The following TRPC4 variants were observed in gnomAD, a reference collection of about 807,000 sequenced individuals.
TRPC4 encodes short transient receptor potential channel 4.
Under a neutral mutation model 99.4 loss-of-function variants are expected in TRPC4, and 49 were observed. The observed-to-expected ratio is 0.49, with a 90% confidence interval of 0.39 to 0.63. TRPC4 has a LOEUF of 0.63. Ranked by LOEUF, TRPC4 falls within the 20% of genes least tolerant of loss-of-function variation. TRPC4 has a pLI of 0.00. For missense variants in TRPC4, 898 were observed against 1,152.9 expected (o/e 0.78, Z 3.20); for synonymous variants, 454 against 425.9 (o/e 1.07, Z -0.81).
intron 3 of TRPC4, among the ~76,000 whole-genome samples, chr13:37,698,617 A>G (rs1953999182): frequency 6.6e-6 from 1 of 152,188 alleles, no homozygotes. Context: ...GGAATTGCAT[A>G]GAAGTCACAC....
intron 3 of TRPC4, among the ~76,000 whole-genome samples, chr13:37,702,477 C>A (rs1322346735): frequency 6.6e-6 from 1 of 151,978 alleles, no homozygotes; most frequent in Non-Finnish European, 1.5e-5. Context: ...ATTTTAAAAA[C>A]CAGATAACTT....
intron 4 of TRPC4, among the ~76,000 whole-genome samples, chr13:37,678,895 T>A (rs1184602944): frequency 6.6e-6 from 1 of 152,056 alleles, no homozygotes; most frequent in African/African-American, 2.4e-5. Flanking sequence ...CCAAGTAATG[T>A]TTTTCCAGGT....
At chr13:37,822,737 G>A (rs1958053355) in intron 1 of TRPC4, among the ~76,000 whole-genome samples, 1 of 151,904 alleles carries the variant, frequency 6.6e-6, no homozygotes, top group Non-Finnish European at 1.5e-5. Context: ...ACATACGTGT[G>A]CATGTGTCTT....
chr13:37,768,668 A>G (rs1478975848), intron 2 of TRPC4, among the ~76,000 whole-genome samples: 51 of 112,352 alleles, frequency 4.5e-4, no homozygotes, highest in African/African-American at 2.3e-3. Flanking sequence ...ATACGAACAC[A>G]CACGCACACA....
rs1411230947 is a variant in TRPC4 at position 37,655,237 on chromosome 13, T to C, written c.1735A>G (p.Ile579Val). Reference protein sequence around the residue: ...QSLFWSIFGLINLYVTNVKAQ... With the variant: ...QSLFWSIFGLVNLYVTNVKAQ... Reference sequence around the variant, plus strand: ...TTGACATTGGTCACATATAAATTGATGAGCCCAAATATTGACCAAAACAGG... The same window carrying C: ...TTGACATTGGTCACATATAAATTGACGAGCCCAAATATTGACCAAAACAGG... The change falls in exon 7 of 11, where the codon ATC becomes GTC. Residue 579 changes from isoleucine to valine, a missense_variant. Around this residue, in one of 3 missense-constraint regions of TRPC4, gnomAD observed 274 missense variants for 454.9 expected, o/e 0.60. Coordinates refer to ENST00000379705, the MANE Select transcript of TRPC4 (RefSeq NM_016179.4). The C allele has an allele frequency of 6.2e-7, 1 of 1,607,358 alleles. No homozygotes were observed.
chr13:37,762,737 G>A (rs1272498130), intron 2 of TRPC4, among the ~76,000 whole-genome samples: 1 of 110,742 alleles, frequency 9.0e-6, no homozygotes, highest in Non-Finnish European at 1.8e-5. Context: ...GGAGGGGGGA[G>A]GGATAGCATT....
At chr13:37,690,541 C>T (rs1009443691) in intron 4 of TRPC4, among the ~76,000 whole-genome samples, 7 of 152,274 alleles carry the variant, frequency 4.6e-5, no homozygotes, top group Admixed American at 6.5e-5. Context: ...GCGATCCGCC[C>T]GCTTTGGCTT....
chr13:37,731,817 C>T (rs974610352), intron 3 of TRPC4, among the ~76,000 whole-genome samples: 2 of 151,900 alleles, frequency 1.3e-5, no homozygotes, highest in African/African-American at 4.8e-5. Flanking sequence ...CGAAGTAGTA[C>T]GTCCCTTTCC....
intron 2 of TRPC4, among the ~76,000 whole-genome samples, chr13:37,756,456 GT>G (rs1956098644): frequency 6.6e-6 from 1 of 151,984 alleles, no homozygotes; most frequent in Non-Finnish European, 1.5e-5. Context: ...ATGAAGACTG[GT>G]GGATAAGAGA....
intron 2 of TRPC4, among the ~76,000 whole-genome samples, chr13:37,779,063 T>C (rs1956774812): frequency 6.6e-6 from 1 of 151,994 alleles, no homozygotes; most frequent in African/African-American, 2.4e-5. Context: ...AACAAGCCTT[T>C]CCAGTGACGA....
chr13:37,771,956 G>A (rs189062846), intron 2 of TRPC4, among the ~76,000 whole-genome samples: 2 of 151,684 alleles, frequency 1.3e-5, no homozygotes, highest in Admixed American at 6.6e-5. Context: ...GACTTGTGAG[G>A]AGGATTTCTT....
intron 3 of TRPC4, among the ~76,000 whole-genome samples, chr13:37,718,484 C>G (rs976109128): frequency 6.6e-6 from 1 of 151,774 alleles, no homozygotes; most frequent in South Asian, 2.1e-4. Context: ...ATTTAGCAGA[C>G]ATAGACTTTA....
intron 1 of TRPC4, among the ~76,000 whole-genome samples, chr13:37,793,412 A>G (rs1957170197): frequency 6.6e-6 from 1 of 150,900 alleles, no homozygotes; most frequent in African/African-American, 2.4e-5. Flanking sequence ...CATTAGGTAT[A>G]TCTCCTAATG....
intron 2 of TRPC4, among the ~76,000 whole-genome samples, chr13:37,765,243 C>G (rs919250950): frequency 3.3e-5 from 5 of 151,110 alleles, no homozygotes; most frequent in Non-Finnish European, 4.4e-5. Context: ...CAGTGTAGAC[C>G]AGGTATTAAT....
chr13:37,780,977 T>A (rs1956823331), intron 2 of TRPC4, among the ~76,000 whole-genome samples: 1 of 152,070 alleles, frequency 6.6e-6, no homozygotes, highest in Admixed American at 6.6e-5. Flanking sequence ...TCCTGGCAGA[T>A]GGCAAACCTT....
At chr13:37,740,320 G>T (rs1461143502) in intron 3 of TRPC4, among the ~76,000 whole-genome samples, 1 of 150,962 alleles carries the variant, frequency 6.6e-6, no homozygotes. Context: ...TCAAGAACAT[G>T]AGTGGTGTTT....
chr13:37,664,486 A>G (rs916881265), intron 5 of TRPC4, among the ~76,000 whole-genome samples: 4 of 152,104 alleles, frequency 2.6e-5, no homozygotes, highest in Non-Finnish European at 5.9e-5. Flanking sequence ...AGGCAGGAGA[A>G]TCACTTGAAC....
At chr13:37,732,456 G>A (rs1342069219) in intron 3 of TRPC4, among the ~76,000 whole-genome samples, 1 of 152,048 alleles carries the variant, frequency 6.6e-6, no homozygotes, top group Non-Finnish European at 1.5e-5. Flanking sequence ...AGTACTGGAA[G>A]TACTAGTAAG....
At chr13:37,667,936 C>T (rs879342251) in intron 5 of TRPC4, among the ~76,000 whole-genome samples, 1 of 152,198 alleles carries the variant, frequency 6.6e-6, no homozygotes. Context: ...CATGAGTGTG[C>T]CTGCTCTGTG....
Sources: allele counts gnomAD v4.1 joint callset (sites outside exome capture counted in the v4.1 genomes callset), GRCh38; gene constraint gnomAD v4.1.1; regional missense constraint gnomAD v4.1.1; transcripts MANE v1.5; gene names NCBI Gene and HGNC (gene_info 2026-07-23, HGNC 2026-07-21).